Variants in CENPC observed in about 807,000 individuals in gnomAD.
CENPC encodes the protein CENP-C 1.
CENPC carries 63 observed loss-of-function variants against 112.1 expected under a neutral mutation model. The observed-to-expected ratio is 0.56, with a 90% CI of 0.46 to 0.69. The LOEUF is 0.69. Ranked by LOEUF, CENPC falls within the 30% of genes least tolerant of loss-of-function variation. The pLI, the probability that CENPC is intolerant of heterozygous loss-of-function variation, is 0.00. For missense variants in CENPC, 1,000 were observed against 1,103.8 expected, an observed-to-expected ratio of 0.91 and a Z score of 1.33; for synonymous variants, 333 against 367.6, an observed-to-expected ratio of 0.91 and a Z score of 1.08.
In CENPC at chr4:67,495,216, C is replaced by T; in HGVS notation, c.2132-4G>A. ...ACTTTAGATTGTTTTGAGTCATCTA[C>T]AAAATGCAAAAGATAATATCATAAG... On this transcript the variant is annotated splice_polypyrimidine_tract_variant and splice_region_variant and intron_variant, in intron 12 of 18. Coordinates refer to ENST00000273853, the MANE Select transcript of CENPC (RefSeq NM_001812.4). The T allele has an allele frequency of 1.3e-6, 2 of 1,525,270 alleles. No individual in the cohort carries two copies. Among genetic ancestry groups the T allele is most frequent in the South Asian group, 1.3e-5 (1 of 78,536 alleles). The allele number at this position is 1,525,270 out of a possible 1,614,324, so 94.5% of individuals were successfully genotyped here.
intron 5 of CENPC, among the ~76,000 whole-genome samples, chr4:67,529,891 A>G (rs1726494784): frequency 6.6e-6 from 1 of 152,150 alleles, no homozygotes; most frequent in South Asian, 2.1e-4. Context: ...TGACAGAGGA[A>G]AAAACAAATA....
At chr4:67,476,610 A>C (rs1312925716) in intron 17 of CENPC, among the ~76,000 whole-genome samples, 1 of 152,208 alleles carries the variant, frequency 6.6e-6, no homozygotes, top group Non-Finnish European at 1.5e-5. Flanking sequence ...CACAGAAAGA[A>C]GGAAACTTCC....
At chr4:67,487,334 A>AGTC (rs1002662434) in intron 17 of CENPC, among the ~76,000 whole-genome samples, 3 of 150,860 alleles carry the variant, frequency 2.0e-5, no homozygotes, top group Non-Finnish European at 4.4e-5. Flanking sequence ...TAGTAGTAGT[A>AGTC]GTCTTAGAAA....
chr4:67,493,754 TA>T, intron 14 of CENPC, 129 bp downstream of exon 14: 1 of 584,322 alleles, frequency 1.7e-6, no homozygotes, highest in Non-Finnish European at 3.0e-6. Flanking sequence ...AAAATGAATT[TA>T]AATCCTATTA....
intron 10 of CENPC, 135 bp from the exon 11 acceptor site, chr4:67,507,069 G>A (rs1352169857): frequency 2.6e-5 from 15 of 578,292 alleles, no homozygotes; most frequent in Non-Finnish European, 1.4e-5. Flanking sequence ...TTCAGGTTCT[G>A]AGACTTGCAA....
chr4:67,520,697 T>C (rs1352283504), intron 5 of CENPC, among the ~76,000 whole-genome samples: 2 of 152,020 alleles, frequency 1.3e-5, no homozygotes, highest in African/African-American at 2.4e-5. Context: ...TTAACTATCA[T>C]TGAAAATAAA....
At chr4:67,515,294 C>T (rs574355780) in intron 7 of CENPC, among the ~76,000 whole-genome samples, 5 of 150,504 alleles carry the variant, frequency 3.3e-5, no homozygotes, top group South Asian at 4.2e-4. Flanking sequence ...GGTGAAACCC[C>T]GTCTCTACTA....
chr4:67,492,954 C>T lies in CENPC; in HGVS notation c.2334G>A (p.Ser778=), dbSNP rs112599674. The change falls in exon 15 of 19, where the codon TCG becomes TCA. Residue 778 remains serine, a synonymous_variant. Coordinates refer to ENST00000273853, the MANE Select transcript of CENPC (RefSeq NM_001812.4). ...TATTTTCTTTTGCCTTCCTTTTAGA[C>T]GATATTGTGTCTGGAGATAGTACTC... The part of the protein sequence containing the change: ...ISGVLSPDTI[S]SKRKAKENIG... 4.0e-5 allele frequency: 62 copies of T among 1,552,578 alleles called. No homozygotes were observed. The African/African-American group carries it at 6.4e-4, about 16-fold the overall frequency.
chr4:67,518,820 CAAGA>C (rs1463929731), intron 6 of CENPC, among the ~76,000 whole-genome samples: 1 of 152,130 alleles, frequency 6.6e-6, no homozygotes, highest in African/African-American at 2.4e-5. Context: ...AAGGTAAGGT[CAAGA>C]AAGAGAAACC....
chr4:67,541,065 A>C lies in CENPC; in HGVS notation c.66-15T>G, dbSNP rs1726875685. On this transcript the variant is annotated splice_polypyrimidine_tract_variant and intron_variant, in intron 2 of 18. Coordinates refer to ENST00000273853, the MANE Select transcript of CENPC (RefSeq NM_001812.4). The stretch of plus-strand genomic sequence containing the variant: ...TGTCACGTGCCCTAATAAAGGAAAA[A>C]TACAGCCTGTCATTTTCAGAAGATA... 1 of 1,565,832 alleles carries C rather than the reference A, an allele frequency of 6.4e-7. No individual in the cohort carries two copies. Among genetic ancestry groups the C allele is most frequent in the Non-Finnish European group, 8.7e-7 (1 of 1,144,034 alleles).
At chr4:67,480,568 A>G (rs1724929099) in intron 17 of CENPC, among the ~76,000 whole-genome samples, 2 of 152,240 alleles carry the variant, frequency 1.3e-5, no homozygotes, top group Non-Finnish European at 2.9e-5. Context: ...TCACAGCTGA[A>G]TTCTATCAGA....
intron 4 of CENPC, among the ~76,000 whole-genome samples, chr4:67,531,847 C>T (rs973154081): frequency 2.6e-5 from 4 of 152,026 alleles, no homozygotes; most frequent in African/African-American, 9.7e-5. Flanking sequence ...AAGTATCAGT[C>T]ATGAAAAACA....
intron 5 of CENPC, among the ~76,000 whole-genome samples, chr4:67,530,413 C>T (rs115720746): frequency 0.038 from 5,727 of 150,730 alleles, 146 homozygotes; most frequent in Middle Eastern, 0.045. Context: ...CAGACACATA[C>T]AAACACACAT....
intron 17 of CENPC, among the ~76,000 whole-genome samples, chr4:67,478,171 G>C (rs909789882): frequency 1.3e-5 from 2 of 152,114 alleles, no homozygotes; most frequent in African/African-American, 2.4e-5. Context: ...TAGCAATCTA[G>C]ACATCCAAAT....
chr4:67,516,281 G>T lies in CENPC; in HGVS notation c.831-1594C>A, dbSNP rs1726054339. Among the ~76,000 whole-genome samples, 4 of 151,992 alleles carry T rather than the reference G, an allele frequency of 2.6e-5. 1 individual carries two copies. The South Asian group carries it at 8.3e-4, about 31-fold the overall frequency. ...AGACTGACTAATTTTACATTTCCCT[G>T]ATTGTTTTAATAGCTTTAAGCACAC... On this transcript the variant is annotated intron_variant, in intron 7 of 18. Transcript: ENST00000273853.
chr4:67,478,257 T>C (rs1724860275), intron 17 of CENPC, among the ~76,000 whole-genome samples: 1 of 152,130 alleles, frequency 6.6e-6, no homozygotes, highest in African/African-American at 2.4e-5. Flanking sequence ...TTAGGTTATC[T>C]AAAGTCAAGA....
chr4:67,487,316 T>TGTA (rs566977968), intron 17 of CENPC, among the ~76,000 whole-genome samples: 147 of 151,754 alleles, frequency 9.7e-4, no homozygotes, highest in Non-Finnish European at 1.5e-3. Flanking sequence ...AAATTTTTGT[T>TGTA]GTAGTAGTAG....
chr4:67,527,519 T>G (rs1726420181), intron 5 of CENPC, among the ~76,000 whole-genome samples: 2 of 92,668 alleles, frequency 2.2e-5, no homozygotes, highest in African/African-American at 8.2e-5. Context: ...TTTTTTTTTT[T>G]GAGACAGGGT....
intron 4 of CENPC, among the ~76,000 whole-genome samples, chr4:67,533,111 A>G (rs1560442814): frequency 1.3e-5 from 2 of 152,168 alleles, no homozygotes; most frequent in African/African-American, 4.8e-5. Flanking sequence ...CCAAATCTCA[A>G]TTTGAATTGT....
Sources: allele counts gnomAD v4.1 joint callset (sites outside exome capture counted in the v4.1 genomes callset), GRCh38; gene constraint gnomAD v4.1.1; transcripts MANE v1.5; gene names NCBI Gene and HGNC (gene_info 2026-07-23, HGNC 2026-07-21).